The following MCM8 variants were observed in gnomAD, a reference collection of about 807,000 sequenced individuals.
The protein encoded by MCM8 is DNA helicase MCM8.
Under a neutral mutation model 98.9 loss-of-function variants are expected in MCM8, and 85 were observed. That is an observed-to-expected ratio of 0.86 (90% CI 0.72 to 1.03). The LOEUF is 1.03. Ranked by LOEUF, MCM8 falls within the 50% of genes least tolerant of loss-of-function variation. The probability of loss-of-function intolerance (pLI) is 0.00; values close to 1 mark genes in which losing one functional copy is unlikely to be tolerated. For synonymous variants in MCM8, 352 were observed against 338.6 expected, an observed-to-expected ratio of 1.04 and a Z score of -0.44; for missense variants, 951 against 997.8, an observed-to-expected ratio of 0.95 and a Z score of 0.63.
intron 17 of MCM8, among the ~76,000 whole-genome samples, chr20:5,992,542 G>T (rs956096724): frequency 2.8e-4 from 43 of 152,120 alleles, no homozygotes; most frequent in African/African-American, 1.0e-3. Flanking sequence ...CATCTTAAAA[G>T]AGATTATGCT....
intron 13 of MCM8, among the ~76,000 whole-genome samples, chr20:5,979,658 A>G (rs1015587013): frequency 1.3e-5 from 2 of 152,276 alleles, no homozygotes; most frequent in Admixed American, 1.3e-4. Flanking sequence ...CCATCAAAAT[A>G]TATCTGCTAT....
Position 5,973,193 on chromosome 20 carries a change from A to G in MCM8, c.1392A>G (p.Leu464=), listed in dbSNP as rs2089442208. The stretch of plus-strand genomic sequence containing the variant: ...CAGGCCTAGGAAAAAGTCAAATGCT[A>G]CAGGTAGACAATCAGTCATTTAGTG... ...GDPGLGKSQM[L]QAACNVAPRG... is the part of the protein sequence containing the mutation. The change falls in exon 12 of 19, where the codon CTA becomes CTG. Residue 464 remains leucine (L), a synonymous_variant. Coordinates refer to ENST00000610722, the MANE Select transcript of MCM8 (RefSeq NM_032485.6). The G allele has an allele frequency of 1.2e-6, 2 of 1,613,968 alleles. No individual in the cohort carries two copies. The highest frequency in any genetic ancestry group is 4.5e-5 in the East Asian group (2 of 44,868).
In MCM8 at chr20:5,962,352, C is replaced by CTTTTTTTTTTTT. The variant is rs926577182; in HGVS notation, c.790-900_790-889dup. ...CAGGAGAAGGAATTAGCCTTCATTT[C>CTTTTTTTTTTTT]TTTTTTTTTTTTTTTTTTTTTTTTT... is the stretch of plus-strand genomic sequence containing the variant. On this transcript the variant is annotated intron_variant, in intron 7 of 18. Transcript: ENST00000610722. Among the ~76,000 whole-genome samples, 30 of 40,572 alleles carry CTTTTTTTTTTTT rather than the reference C, an allele frequency of 7.4e-4. 8 individuals carry two copies. The highest frequency in any genetic ancestry group is 1.5e-3 in the Admixed American group (4 of 2,634). 26.6% of individuals were successfully genotyped at this position (40,572 alleles called of 152,430 possible).
intron 10 of MCM8, among the ~76,000 whole-genome samples, chr20:5,968,700 C>T (rs1271797022): frequency 2.0e-5 from 3 of 152,112 alleles, no homozygotes; most frequent in African/African-American, 7.2e-5. Flanking sequence ...CATATTTTTG[C>T]TTTATCCTTT....
In MCM8 at chr20:5,967,537, G is replaced by A; in HGVS notation, c.977G>A (p.Gly326Glu). 1 of 1,613,930 alleles carries A rather than the reference G, an allele frequency of 6.2e-7. No homozygotes were observed. The highest frequency in any genetic ancestry group is 8.5e-7 in the Non-Finnish European group (1 of 1,179,870). The change falls in exon 9 of 19, where the codon GGA becomes GAA. Residue 326 changes from glycine (G) to glutamate (E), a missense_variant. Coordinates refer to ENST00000610722, the MANE Select transcript of MCM8 (RefSeq NM_032485.6). The part of the protein sequence containing the change: ...VHDLVDSCVP[G>E]DTVTITGIVK... ...GATCTTGTGGATAGCTGTGTCCCGG[G>A]AGACACAGTGACTATTACTGGAATT... is the stretch of plus-strand genomic sequence containing the variant.
intron 15 of MCM8, among the ~76,000 whole-genome samples, chr20:5,985,241 C>G (rs539907282): frequency 6.6e-6 from 1 of 151,944 alleles, no homozygotes; most frequent in Non-Finnish European, 1.5e-5. Context: ...GTCAAGAGAT[C>G]GAGACCATCC....
intron 7 of MCM8, among the ~76,000 whole-genome samples, chr20:5,961,532 CAGT>C (rs2089143633): frequency 6.6e-6 from 1 of 152,142 alleles, no homozygotes; most frequent in Admixed American, 6.5e-5. Flanking sequence ...TCTGAATAAT[CAGT>C]GGTGTTGATA....
At chr20:5,977,300 GATAAAAC>G (rs2089531639) in intron 12 of MCM8, among the ~76,000 whole-genome samples, 3 of 152,194 alleles carry the variant, frequency 2.0e-5, no homozygotes, top group African/African-American at 7.2e-5. Context: ...GCAATGCTGT[GATAAAAC>G]ATAAGGAAGC....
intron 17 of MCM8, among the ~76,000 whole-genome samples, chr20:5,988,318 T>C (rs236109): frequency 0.83 from 126,613 of 152,076 alleles, 52,997 homozygotes; most frequent in East Asian, 1. Context: ...AAAAATTAGC[T>C]GGGCGTGGTG....
At chr20:5,957,297 G>A (rs977938807) in intron 6 of MCM8, 68 bp downstream of exon 6, 11 of 1,160,074 alleles carry the variant, frequency 9.5e-6, no homozygotes, top group African/African-American at 4.7e-5. Flanking sequence ...GAATGAAAAC[G>A]CTCATTTTAT....
intron 17 of MCM8, among the ~76,000 whole-genome samples, chr20:5,991,624 GGTAGA>G (rs1323180702): frequency 2.6e-5 from 4 of 152,168 alleles, no homozygotes; most frequent in African/African-American, 9.7e-5. Flanking sequence ...CTATGTTCAT[GGTAGA>G]GATCAAGATC....
chr20:5,962,348 A>ATTTT (rs1600254109), intron 7 of MCM8, among the ~76,000 whole-genome samples: 1 of 46,156 alleles, frequency 2.2e-5, no homozygotes, highest in Non-Finnish European at 3.7e-5. Flanking sequence ...ATTAGCCTTC[A>ATTTT]TTTCTTTTTT....
chr20:5,953,438 G>GGTGTGTGTGTGTGTGT (rs11470045), intron 3 of MCM8, among the ~76,000 whole-genome samples: 7 of 146,190 alleles, frequency 4.8e-5, no homozygotes, highest in African/African-American at 1.8e-4. Context: ...TCTCATGAGG[G>GGTGTGTGTGTGTGTGT]GTGTGTGTGT....
Position 5,977,922 on chromosome 20 carries a change from C to T in MCM8, c.1442C>T (p.Thr481Ile), listed in dbSNP as rs1306910342. 2 of 1,614,108 alleles carry T rather than the reference C, an allele frequency of 1.2e-6. No homozygotes were observed. The highest frequency in any genetic ancestry group is 2.7e-5 in the African/African-American group (2 of 74,940). The change falls in exon 13 of 19, where the codon ACC (threonine) becomes ATC (isoleucine). Residue 481 changes from threonine (T) to isoleucine (I), a missense_variant. Physicochemically the swap from Thr to Ile is moderately conservative, Grantham distance 89 (BLOSUM62 -1). Transcript: ENST00000610722. The part of the protein sequence containing the change: ...APRGVYVCGN[T>I]TTTSGLTVTL... ...CGTGGCGTGTATGTTTGTGGTAACACCACGACCACCTCTGGTCTGACGGTA... is the reference window on the plus strand; with the variant it reads ...CGTGGCGTGTATGTTTGTGGTAACATCACGACCACCTCTGGTCTGACGGTA...
chr20:5,955,458 T>A (rs2088953528), intron 5 of MCM8, among the ~76,000 whole-genome samples: 1 of 152,226 alleles, frequency 6.6e-6, no homozygotes, highest in Non-Finnish European at 1.5e-5. Flanking sequence ...CAACAGCTTA[T>A]CTAAATGAAA....
intron 17 of MCM8, 108 bp from the exon 18 acceptor site, chr20:5,993,398 T>G: frequency 5.5e-6 from 4 of 723,124 alleles, no homozygotes; most frequent in Middle Eastern, 3.5e-4. Flanking sequence ...GTTTGCTAAG[T>G]GAGCCTTGTG....
chr20:5,993,770 T>C (rs1362946288), intron 18 of MCM8, 75 bp downstream of exon 18: 1 of 1,206,838 alleles, frequency 8.3e-7, no homozygotes, highest in Non-Finnish European at 1.1e-6. Flanking sequence ...ACAGAAACAG[T>C]TTTTACTTAT....
In MCM8 at chr20:5,981,455, CAGAAG is replaced by C. The variant is rs1568592157; in HGVS notation, c.1538-1511_1538-1507del. ...TTCCCAACAGAGGGGGGTGAACTCT[CAGAAG>C]AGATCAGCAAGAAAGGTGGCACAAA... On this transcript the variant is annotated intron_variant, in intron 13 of 18. Coordinates refer to ENST00000610722, the MANE Select transcript of MCM8 (RefSeq NM_032485.6). Among the ~76,000 whole-genome samples, 7 of 152,308 alleles carry C rather than the reference CAGAAG, an allele frequency of 4.6e-5. No individual in the cohort carries two copies. The South Asian group carries it at 1.4e-3, about 32-fold the overall frequency.
At chr20:5,958,003 A>C (rs993773810) in intron 6 of MCM8, among the ~76,000 whole-genome samples, 2 of 145,474 alleles carry the variant, frequency 1.4e-5, no homozygotes, top group South Asian at 2.1e-4. Context: ...TTTTTCCTTA[A>C]ATTTCTTTTT....
Sources: allele counts gnomAD v4.1 joint callset (sites outside exome capture counted in the v4.1 genomes callset), GRCh38; gene constraint gnomAD v4.1.1; transcripts MANE v1.5; gene names NCBI Gene and HGNC (gene_info 2026-07-23, HGNC 2026-07-21).